HDHD5: variants seen among roughly 807,000 people sequenced by gnomAD.
HDHD5 encodes haloacid dehalogenase-like hydrolase domain-containing 5.
Under a neutral mutation model 35.5 loss-of-function variants are expected in HDHD5, and 34 were observed. The ratio of observed to expected loss-of-function variants is 0.96; its 90% CI spans 0.73 to 1.28. The LOEUF (loss-of-function observed/expected upper bound fraction) is 1.28. Among genes scored for constraint, HDHD5 ranks in the 50% most tolerant of loss-of-function variants. The pLI is 0.00. For missense variants in HDHD5, 589 were observed against 560.2 expected (o/e 1.05, Z -0.52); for synonymous variants, 248 against 240.6 (o/e 1.03, Z -0.29).
intron 3 of HDHD5, among the ~76,000 whole-genome samples, chr22:17,146,422 G>A (rs2061663659): frequency 6.8e-6 from 1 of 146,806 alleles, no homozygotes; most frequent in South Asian, 2.2e-4. Context: ...CTCCACACCT[G>A]TGGCACACTC....
At chr22:17,153,199 A>G (rs2061748582) in intron 1 of HDHD5, among the ~76,000 whole-genome samples, 2 of 152,190 alleles carry the variant, frequency 1.3e-5, no homozygotes, top group Admixed American at 1.3e-4. Context: ...CCCTTTGAGG[A>G]AGTGTCAGCA....
intron 1 of HDHD5, among the ~76,000 whole-genome samples, chr22:17,156,066 G>C (rs2061786014): frequency 6.6e-6 from 1 of 152,072 alleles, no homozygotes; most frequent in African/African-American, 2.4e-5. Flanking sequence ...AAGAAACCAA[G>C]CAAACCACAA....
rs1198530239 is a variant in HDHD5 at position 17,159,150 on chromosome 22, C to A, written c.102G>T (p.Arg34Ser). 13 of 1,228,576 alleles carry A rather than the reference C, an allele frequency of 1.1e-5. No individual in the cohort carries two copies. In the Admixed American group the frequency reaches 3.4e-4, roughly 32 times the overall value. 76.1% of individuals were successfully genotyped at this position (1,228,576 alleles called of 1,614,324 possible). A position where few individuals can be genotyped will look rare whatever the true frequency, so the allele number is the denominator to read the frequency against. Residue 34 changes from arginine (R) to serine (S), a missense_variant, in exon 1 of 8, where the codon AGG becomes AGT. Physicochemically the swap from Arg to Ser is moderately radical, Grantham distance 110. Transcript: ENST00000336737. ...CCTGAGCGGGGCCCACAGCATAGCA[C>A]CTGCGGGCGGGGCGGCCCTGGAGCC... ...AAGLQGRPARRCYAVGPAQSP... is the reference protein window; with the variant it reads ...AAGLQGRPARSCYAVGPAQSP...
intron 5 of HDHD5, chr22:17,141,682 C>T: frequency 1.1e-6 from 1 of 922,430 alleles, no homozygotes; most frequent in Non-Finnish European, 1.3e-6. Context: ...CCAACCTGGA[C>T]TCCACCGATT....
At chr22:17,159,315 C>A, upstream of HDHD5, 2 of 1,167,642 alleles carry the variant, frequency 1.7e-6, no homozygotes, top group South Asian at 1.7e-5. Flanking sequence ...CCGTCCGCTG[C>A]ACAGCCAATC....
chr22:17,161,034 C>T (rs184589585), upstream of HDHD5, among the ~76,000 whole-genome samples: 65 of 152,188 alleles, frequency 4.3e-4, no homozygotes, highest in Non-Finnish European at 8.1e-4. Flanking sequence ...TCAGGCGGAT[C>T]ATCTGAGATC....
upstream of HDHD5, among the ~76,000 whole-genome samples, chr22:17,162,746 C>T (rs568826826): frequency 3.3e-4 from 51 of 152,316 alleles, no homozygotes; most frequent in African/African-American, 1.1e-3. Flanking sequence ...CTAAGGCTTG[C>T]CATGTTAAAG....
In HDHD5 at chr22:17,137,904, C is replaced by T. The variant is rs980745103; in HGVS notation, c.*117G>A. On this transcript the variant is annotated 3_prime_UTR_variant, in exon 8 of 8. Coordinates refer to ENST00000336737, the MANE Select transcript of HDHD5 (RefSeq NM_033070.3). Reference sequence around the variant, plus strand: ...CAGTAATGCCACACTCATGGGGCAGCAAGAAGGGTGGCAAGGGAACCAAGC... The same window carrying T: ...CAGTAATGCCACACTCATGGGGCAGTAAGAAGGGTGGCAAGGGAACCAAGC... The T allele has an allele frequency of 1.3e-6, 1 of 766,060 alleles. No individual in the cohort carries two copies. Among genetic ancestry groups the T allele is most frequent in the African/African-American group, 1.8e-5 (1 of 56,804 alleles). 47.5% of individuals were successfully genotyped at this position (766,060 alleles called of 1,614,324 possible).
At chr22:17,161,550 C>T (rs1172331998), upstream of HDHD5, among the ~76,000 whole-genome samples, 6 of 147,972 alleles carry the variant, frequency 4.1e-5, no homozygotes, top group South Asian at 2.1e-4. Flanking sequence ...AGCGACAGAG[C>T]GGAACTATGT....
chr22:17,154,007 C>T (rs2061757059), intron 1 of HDHD5, among the ~76,000 whole-genome samples: 1 of 151,920 alleles, frequency 6.6e-6, no homozygotes, highest in East Asian at 2.0e-4. Context: ...AGGTGCGCAC[C>T]ACCAAACCCA....
In HDHD5 at chr22:17,141,250, C is replaced by T. The variant is rs531583787; in HGVS notation, c.572-17G>A. ...GGAGCACCCCTTTAAAGAACAGAGG[C>T]GCAGGTGAGGGCTGCAGGGCAGATG... On this transcript the variant is annotated splice_polypyrimidine_tract_variant and intron_variant, in intron 5 of 7. Coordinates refer to ENST00000336737, the MANE Select transcript of HDHD5 (RefSeq NM_033070.3). The T allele has an allele frequency of 1.6e-5, 26 of 1,583,136 alleles. No homozygotes were observed. The South Asian group carries it at 2.4e-4, about 15-fold the overall frequency.
intron 3 of HDHD5, 198 bp from the exon 4 acceptor site, chr22:17,145,315 G>A (rs2061649510): frequency 4.5e-6 from 2 of 448,318 alleles, no homozygotes; most frequent in South Asian, 9.4e-5. Context: ...AGAGTAGAGA[G>A]GGCAGCTCCT....
Position 17,138,745 on chromosome 22 carries a change from G to T in HDHD5, c.747-7C>A. ...AAAGGTGCCATGTCCAAACCTGCCA[G>T]AAACGAGCACGCAGCAGTTCAGTCT... On this transcript the variant is annotated splice_polypyrimidine_tract_variant and splice_region_variant and intron_variant, in intron 6 of 7. Transcript: ENST00000336737. 1 of 1,614,152 alleles carries T rather than the reference G, an allele frequency of 6.2e-7. No individual in the cohort carries two copies. Among genetic ancestry groups the T allele is most frequent in the African/African-American group, 1.3e-5 (1 of 75,044 alleles).
chr22:17,142,821 T>C (rs865788088), intron 5 of HDHD5: 8 of 371,012 alleles, frequency 2.2e-5, no homozygotes, highest in Middle Eastern at 7.0e-4. Flanking sequence ...GGTTTAAAAG[T>C]TGAGAAACAC....
At chr22:17,157,577 A>C (rs1180327775) in intron 1 of HDHD5, among the ~76,000 whole-genome samples, 2 of 152,182 alleles carry the variant, frequency 1.3e-5, no homozygotes, top group Non-Finnish European at 2.9e-5. Context: ...ACTTGGAGAC[A>C]TTTCGGGACT....
At chr22:17,164,917 G>T (rs1732453757) in intron 1 of HDHD5, among the ~76,000 whole-genome samples, 1 of 152,218 alleles carries the variant, frequency 6.6e-6, no homozygotes, top group South Asian at 2.1e-4. Context: ...GAAGAACAGG[G>T]GTGGAGGATG....
chr22:17,160,410 G>A (rs1316458319), upstream of HDHD5, among the ~76,000 whole-genome samples: 2 of 152,056 alleles, frequency 1.3e-5, no homozygotes, highest in African/African-American at 4.8e-5. Flanking sequence ...CAGCACTTTG[G>A]GAGACTGAGG....
upstream of HDHD5, among the ~76,000 whole-genome samples, chr22:17,162,512 C>A (rs139574703): frequency 1.4e-3 from 214 of 152,282 alleles, no homozygotes; most frequent in Admixed American, 3.9e-3. Flanking sequence ...TCCAGCCCAT[C>A]CAAAGCAGGA....
At chr22:17,159,410 G>C (rs1490012386), upstream of HDHD5, 1 of 760,636 alleles carries the variant, frequency 1.3e-6, no homozygotes, top group African/African-American at 1.8e-5. Flanking sequence ...TCGACCCGCA[G>C]GCCAAAGGGG....
Sources: gnomAD v4.1 joint callset for allele counts (sites outside exome capture counted in the v4.1 genomes callset) on GRCh38, gnomAD v4.1.1 for gene constraint, MANE v1.5 for transcripts, NCBI Gene and HGNC (gene_info 2026-07-23, HGNC 2026-07-21) for gene names.